ZNF423: variants seen among roughly 807,000 people sequenced by gnomAD.
ZNF423 encodes zinc finger protein 423.
In ZNF423, 12 loss-of-function variants were observed where a neutral mutation model predicts 95.8. The ratio of observed to expected loss-of-function variants is 0.13; its 90% CI spans 0.08 to 0.20. ZNF423 has a LOEUF of 0.20. Among genes scored for constraint, ZNF423 ranks in the 10% least tolerant of loss-of-function variants. ZNF423 has a pLI of 1.00. For missense variants in ZNF423, 1,316 were observed against 1,737.1 expected, an observed-to-expected ratio of 0.76 and a Z score of 4.31; for synonymous variants, 749 against 711.9, an observed-to-expected ratio of 1.05 and a Z score of -0.83.
chr16:49,706,049 C>T (rs1474525395), intron 3 of ZNF423, among the ~76,000 whole-genome samples: 5 of 151,954 alleles, frequency 3.3e-5, no homozygotes, highest in Admixed American at 1.3e-4. Flanking sequence ...TGGTGTTTAA[C>T]GCAGAGAGAA....
At chr16:49,829,062 C>A (rs371979963) in intron 1 of ZNF423, among the ~76,000 whole-genome samples, 4 of 152,332 alleles carry the variant, frequency 2.6e-5, no homozygotes, top group African/African-American at 9.6e-5. Flanking sequence ...ACCAACAATG[C>A]AGCAGCACCC....
At chr16:49,509,431 A>G (rs530655113) in intron 7 of ZNF423, among the ~76,000 whole-genome samples, 1 of 152,182 alleles carries the variant, frequency 6.6e-6, no homozygotes, top group African/African-American at 2.4e-5. Flanking sequence ...GACACAGCAA[A>G]ATTAATTTTC....
chr16:49,752,018 C>A (rs996602976), intron 2 of ZNF423, among the ~76,000 whole-genome samples: 1 of 152,164 alleles, frequency 6.6e-6, no homozygotes. Context: ...AGCAGCAGCT[C>A]ATCTCAGGAC....
At chr16:49,679,317 C>T (rs1361474777) in intron 3 of ZNF423, among the ~76,000 whole-genome samples, 1 of 152,220 alleles carries the variant, frequency 6.6e-6, no homozygotes, top group Non-Finnish European at 1.5e-5. Context: ...TCTCTGCCCC[C>T]TTCCAAGTTG....
In ZNF423 at chr16:49,502,009, C is replaced by A. The variant is rs565749811; in HGVS notation, c.3850-10705G>T. On this transcript the variant is annotated intron_variant, in intron 7 of 7. Transcript: ENST00000563137. The stretch of plus-strand genomic sequence containing the variant: ...AATATACCCATGTAATTAACCTGCA[C>A]ATGTATTCCTGGAATCTAAAATAAA... Among the ~76,000 whole-genome samples the A allele has an allele frequency of 6.6e-5, 10 of 152,258 alleles. No homozygotes were observed. In the South Asian group the frequency reaches 2.1e-3, roughly 32 times the overall value.
In ZNF423 at chr16:49,635,813, G is replaced by A. The variant is rs374683537; in HGVS notation, c.3363C>T (p.Ala1121=). ...AACGGAGGCCGGCACAGGGCCGGTC[G>A]GCGGGCTCGGGCGGGGCCAGGCCAC... ...QVGGLAPPEP[A]DRPCAGLRCP... The change falls in exon 4 of 8, where the codon GCC becomes GCT. Residue 1121 remains alanine (A), a synonymous_variant. Transcript: ENST00000563137. The surrounding 1 kb of genome is among the most constrained non-coding windows in gnomAD (Gnocchi z 4.8). 1.5e-5 allele frequency: 24 copies of A among 1,608,884 alleles called. No homozygotes were observed. Among genetic ancestry groups the A allele is most frequent in the Admixed American group, 1.2e-4 (7 of 59,178 alleles).
chr16:49,793,460 G>A (rs969315216), intron 1 of ZNF423, among the ~76,000 whole-genome samples: 10 of 152,232 alleles, frequency 6.6e-5, no homozygotes, highest in East Asian at 1.9e-4. Context: ...GCCGGCCCGC[G>A]GCGCCTCCTC....
intron 5 of ZNF423, among the ~76,000 whole-genome samples, chr16:49,535,407 C>T (rs749672802): frequency 2.0e-5 from 3 of 152,232 alleles, no homozygotes; most frequent in Non-Finnish European, 4.4e-5. Flanking sequence ...CATTAGCAGA[C>T]ACATCCAAAT....
chr16:49,611,990 T>C (rs560497219), intron 5 of ZNF423, among the ~76,000 whole-genome samples: 1 of 152,176 alleles, frequency 6.6e-6, no homozygotes, highest in South Asian at 2.1e-4. Flanking sequence ...ATGGAATTCA[T>C]AATTTAAAAC....
At chr16:49,767,558 C>G (rs950039329) in intron 2 of ZNF423, among the ~76,000 whole-genome samples, 1 of 152,192 alleles carries the variant, frequency 6.6e-6, no homozygotes, top group Non-Finnish European at 1.5e-5. Flanking sequence ...AATTAGATGT[C>G]ATTCACTGTC....
intron 5 of ZNF423, among the ~76,000 whole-genome samples, chr16:49,538,003 G>A (rs1279119283): frequency 1.3e-5 from 2 of 152,188 alleles, no homozygotes; most frequent in Non-Finnish European, 2.9e-5. Flanking sequence ...GTCTGCCCTT[G>A]GCTGTGCCTC....
chr16:49,535,951 C>G (rs1484517790), intron 5 of ZNF423, among the ~76,000 whole-genome samples: 1 of 152,098 alleles, frequency 6.6e-6, no homozygotes, highest in Non-Finnish European at 1.5e-5. Context: ...TTGCAAAACC[C>G]TTATTGTCAC....
chr16:49,703,134 TAGA>T (rs1373633232), intron 3 of ZNF423, among the ~76,000 whole-genome samples: 4 of 152,186 alleles, frequency 2.6e-5, no homozygotes, highest in Non-Finnish European at 5.9e-5. Flanking sequence ...CGGTTACCGC[TAGA>T]ACCTCCCCAC....
At chr16:49,533,303 G>A (rs2055893278) in intron 5 of ZNF423, among the ~76,000 whole-genome samples, 1 of 152,176 alleles carries the variant, frequency 6.6e-6, no homozygotes, top group Admixed American at 6.5e-5. Context: ...GCTAAGAAAG[G>A]AGGAGGACAG....
At chr16:49,825,199 C>A (rs1405560916) in intron 1 of ZNF423, among the ~76,000 whole-genome samples, 1 of 152,088 alleles carries the variant, frequency 6.6e-6, no homozygotes, top group Non-Finnish European at 1.5e-5. Context: ...CTCCGACATC[C>A]TGTGTGTCAA....
intron 2 of ZNF423, among the ~76,000 whole-genome samples, chr16:49,780,784 C>T (rs1230200044): frequency 6.6e-6 from 1 of 152,218 alleles, no homozygotes. Context: ...GCTCCCCAGC[C>T]GAGCTAATGA....
intron 3 of ZNF423, among the ~76,000 whole-genome samples, chr16:49,681,097 G>A (rs922772267): frequency 6.6e-5 from 10 of 152,170 alleles, no homozygotes; most frequent in African/African-American, 2.2e-4. Flanking sequence ...CAACAGGCTC[G>A]CCCAAACTCG....
intron 2 of ZNF423, among the ~76,000 whole-genome samples, chr16:49,759,408 A>C (rs1356304510): frequency 6.6e-6 from 1 of 152,068 alleles, no homozygotes; most frequent in African/African-American, 2.4e-5. Flanking sequence ...CAGAAAAAAA[A>C]AAAAGGAAAG....
chr16:49,528,170 G>C (rs1036693512), intron 5 of ZNF423, among the ~76,000 whole-genome samples: 1 of 151,942 alleles, frequency 6.6e-6, no homozygotes, highest in Non-Finnish European at 1.5e-5. Context: ...GAATGGCGAC[G>C]GGCCCATCTG....
Sources: allele counts gnomAD v4.1 joint callset (sites outside exome capture counted in the v4.1 genomes callset), GRCh38; gene constraint gnomAD v4.1.1; non-coding constraint Gnocchi (gnomAD v3.1); transcripts MANE v1.5; gene names NCBI Gene and HGNC (gene_info 2026-07-23, HGNC 2026-07-21).